SYT1: variants seen among roughly 807,000 people sequenced by gnomAD.
SYT1 encodes the protein synaptotagmin 1, also known as synaptotagmin-1.
SYT1 carries 8 observed loss-of-function variants against 44.8 expected under a neutral mutation model. That is an observed-to-expected ratio of 0.18 (90% CI 0.10 to 0.32). SYT1 has a LOEUF of 0.32. SYT1 is among the 10% of genes least tolerant of loss of function. The pLI is 1.00. For missense variants in SYT1, 286 were observed against 509.3 expected, an observed-to-expected ratio of 0.56 and a Z score of 4.22; for synonymous variants, 154 against 188.8, an observed-to-expected ratio of 0.82 and a Z score of 1.51.
intron 8 of SYT1, among the ~76,000 whole-genome samples, chr12:79,308,508 CAAAA>C (rs1282402984): frequency 1.7e-5 from 2 of 118,956 alleles, no homozygotes; most frequent in African/African-American, 6.7e-5. Context: ...GAAACTCCGT[CAAAA>C]GAAAGAAAGA....
intron 3 of SYT1, among the ~76,000 whole-genome samples, chr12:79,063,556 T>A (rs894480948): frequency 1.3e-5 from 2 of 152,128 alleles, no homozygotes; most frequent in African/African-American, 4.8e-5. Context: ...AATGTTCATT[T>A]ACACATAAGT....
chr12:79,370,500 C>T (rs559850035), intron 9 of SYT1, among the ~76,000 whole-genome samples: 13 of 152,200 alleles, frequency 8.5e-5, no homozygotes, highest in Non-Finnish European at 1.5e-4. Flanking sequence ...CGGTGGCTCA[C>T]TCCTGTAATC....
At chr12:79,118,451 T>C (rs1879418449) in intron 3 of SYT1, among the ~76,000 whole-genome samples, 1 of 152,240 alleles carries the variant, frequency 6.6e-6, no homozygotes, top group Non-Finnish European at 1.5e-5. Context: ...CAAGTCTATA[T>C]ACAATTTTCT....
At chr12:79,218,350 C>A (rs927908476) in intron 4 of SYT1, among the ~76,000 whole-genome samples, 1 of 152,048 alleles carries the variant, frequency 6.6e-6, no homozygotes, top group Non-Finnish European at 1.5e-5. Flanking sequence ...AGTGTTCTCA[C>A]CACAAAAATA....
At chr12:78,921,678 C>T (rs1025442361) in intron 1 of SYT1, among the ~76,000 whole-genome samples, 1 of 151,922 alleles carries the variant, frequency 6.6e-6, no homozygotes, top group African/African-American at 2.4e-5. Context: ...TGCCTTGACA[C>T]AGTCATATTT....
At chr12:79,202,608 A>G (rs955357898) in intron 3 of SYT1, among the ~76,000 whole-genome samples, 1 of 152,180 alleles carries the variant, frequency 6.6e-6, no homozygotes, top group Non-Finnish European at 1.5e-5. Context: ...AAGAATCACA[A>G]TAGGGCACCT....
intron 8 of SYT1, among the ~76,000 whole-genome samples, chr12:79,352,547 AACTCTCTCTCTTGC>A (rs1348511084): frequency 6.6e-6 from 1 of 152,096 alleles, no homozygotes; most frequent in Non-Finnish European, 1.5e-5. Context: ...GCATACAACA[AACTCTCTCTCTTGC>A]ACTCTCTCTA....
In SYT1 at chr12:79,425,282, G is replaced by A. The variant is rs963216667; in HGVS notation, c.929-18791G>A. On this transcript the variant is annotated intron_variant, in intron 9 of 10. Transcript: ENST00000261205. ...TCATCTAGCAAAGTGCTGGATAATCGATGTTTAATAAACCTGACCCCTCAT... is the reference window on the plus strand; with the variant it reads ...TCATCTAGCAAAGTGCTGGATAATCAATGTTTAATAAACCTGACCCCTCAT... Among the ~76,000 whole-genome samples the A allele has an allele frequency of 5.9e-5, 9 of 152,044 alleles. No individual in the cohort carries two copies. In the East Asian group the frequency reaches 1.3e-3, roughly 23 times the overall value.
At chr12:79,327,132 T>A (rs921295838) in intron 8 of SYT1, among the ~76,000 whole-genome samples, 8 of 152,044 alleles carry the variant, frequency 5.3e-5, no homozygotes, top group Admixed American at 5.3e-4. Context: ...TTAGGCAACA[T>A]CCCATAGTAA....
intron 8 of SYT1, among the ~76,000 whole-genome samples, chr12:79,336,448 A>G (rs1325749463): frequency 6.6e-6 from 1 of 151,176 alleles, no homozygotes; most frequent in East Asian, 1.9e-4. Flanking sequence ...TTTCTCCTCT[A>G]TATCTTTCTC....
chr12:79,006,802 T>C (rs999118423), intron 2 of SYT1, among the ~76,000 whole-genome samples: 4 of 152,150 alleles, frequency 2.6e-5, no homozygotes, highest in Non-Finnish European at 5.9e-5. Flanking sequence ...CTATCAGCCA[T>C]GCTGATGCTT....
chr12:79,213,218 T>C (rs1049655390), intron 3 of SYT1, among the ~76,000 whole-genome samples: 2 of 152,204 alleles, frequency 1.3e-5, no homozygotes, highest in Non-Finnish European at 2.9e-5. Flanking sequence ...CTCTTCAGTA[T>C]ATAATATCTA....
rs374558194 is a variant in SYT1, at chr12:79,124,579, TATC to T, written c.-18+77237_-18+77239del. On this transcript the variant is annotated intron_variant, in intron 3 of 10. Transcript: ENST00000261205. The stretch of plus-strand genomic sequence containing the variant: ...CCATCATCATCATCACCATCACCAT[TATC>T]ATCATCATCATCATCATCACCATTA... Among the ~76,000 whole-genome samples, 551 of 151,136 alleles carry T rather than the reference TATC, an allele frequency of 3.6e-3. 1 individual carries two copies. Among genetic ancestry groups the T allele is most frequent in the African/African-American group, 0.011 (470 of 41,344 alleles).
intron 3 of SYT1, among the ~76,000 whole-genome samples, chr12:79,180,444 T>A (rs553091405): frequency 9.2e-4 from 137 of 149,188 alleles, no homozygotes; most frequent in African/African-American, 3.3e-3. Flanking sequence ...CACATTGTTA[T>A]AAAGAAGTAT....
intron 3 of SYT1, among the ~76,000 whole-genome samples, chr12:79,180,487 T>A (rs1872463741): frequency 5.0e-5 from 1 of 19,890 alleles, no homozygotes; most frequent in South Asian, 7.8e-4. Context: ...TTTTTTTTTT[T>A]TAAAAAAAGG....
At chr12:79,153,775 C>T (rs960747994) in intron 3 of SYT1, among the ~76,000 whole-genome samples, 13 of 150,938 alleles carry the variant, frequency 8.6e-5, no homozygotes, top group East Asian at 2.4e-4. Flanking sequence ...TGAGTCATTA[C>T]GATGGTGCTA....
chr12:78,957,262 T>G (rs7980751), intron 1 of SYT1, among the ~76,000 whole-genome samples: 43,703 of 152,032 alleles, frequency 0.29, 7,135 homozygotes, highest in East Asian at 0.52. Flanking sequence ...TGAGTCCAGT[T>G]GTTCAAACTA....
chr12:79,435,693 T>C (rs1300625328), intron 9 of SYT1, among the ~76,000 whole-genome samples: 1 of 152,138 alleles, frequency 6.6e-6, no homozygotes, highest in Non-Finnish European at 1.5e-5. Flanking sequence ...AAGAAAGGAA[T>C]AGTGGAGGGC....
intron 5 of SYT1, chr12:79,291,717 CA>C (rs1879590440): frequency 2.0e-6 from 1 of 499,450 alleles, no homozygotes; most frequent in East Asian, 5.4e-5. Flanking sequence ...GAGCCAAATA[CA>C]ACACCAAGTT....
Sources: allele counts gnomAD v4.1 joint callset (sites outside exome capture counted in the v4.1 genomes callset), GRCh38; gene constraint gnomAD v4.1.1; transcripts MANE v1.5; gene names NCBI Gene and HGNC (gene_info 2026-07-23, HGNC 2026-07-21).